CNTNAP2: variants seen among roughly 807,000 people sequenced by gnomAD.
The protein encoded by CNTNAP2 is contactin associated protein 2.
Under a neutral mutation model 155.2 loss-of-function variants are expected in CNTNAP2, and 98 were observed. The ratio of observed to expected loss-of-function variants is 0.63; its 90% CI spans 0.54 to 0.75. The LOEUF is 0.75. CNTNAP2 is among the 30% of genes least tolerant of loss of function. The pLI is 0.00. For synonymous variants in CNTNAP2, 651 were observed against 631.2 expected, an observed-to-expected ratio of 1.03 and a Z score of -0.47; for missense variants, 1,727 against 1,688.1, an observed-to-expected ratio of 1.02 and a Z score of -0.40.
intron 8 of CNTNAP2, among the ~76,000 whole-genome samples, chr7:147,204,532 A>C (rs1360848358): frequency 6.6e-6 from 1 of 152,140 alleles, no homozygotes; most frequent in Non-Finnish European, 1.5e-5. Context: ...TGAAATCCAT[A>C]GTAAACTCCA....
At chr7:147,997,179 T>TA (rs773339636) in intron 15 of CNTNAP2, among the ~76,000 whole-genome samples, 8 of 152,220 alleles carry the variant, frequency 5.3e-5, no homozygotes, top group Non-Finnish European at 8.8e-5. Flanking sequence ...GATATTTTGT[T>TA]ATAGGTAGCC....
At chr7:146,875,840 G>A (rs1397587131) in intron 3 of CNTNAP2, among the ~76,000 whole-genome samples, 2 of 137,234 alleles carry the variant, frequency 1.5e-5, no homozygotes, top group African/African-American at 2.6e-5. Flanking sequence ...GAGGCCAGTA[G>A]TTCAAGACCA....
intron 13 of CNTNAP2, among the ~76,000 whole-genome samples, chr7:147,667,346 G>A (rs777285947): frequency 2.0e-5 from 3 of 152,156 alleles, no homozygotes; most frequent in East Asian, 1.9e-4. Context: ...TATCCCTAAG[G>A]GGGCCAAGTC....
chr7:148,184,453 T>C (rs1795087086), intron 18 of CNTNAP2, among the ~76,000 whole-genome samples: 1 of 152,238 alleles, frequency 6.6e-6, no homozygotes, highest in African/African-American at 2.4e-5. Flanking sequence ...AAATGACTTA[T>C]GATTTACCTG....
intron 11 of CNTNAP2, among the ~76,000 whole-genome samples, chr7:147,492,234 A>C (rs1025791341): frequency 4.6e-5 from 7 of 152,160 alleles, no homozygotes; most frequent in Non-Finnish European, 1.0e-4. Context: ...CCTCACATGC[A>C]CAGTTCACAA....
chr7:147,127,393 C>A (rs537794312), intron 6 of CNTNAP2, among the ~76,000 whole-genome samples: 2 of 150,140 alleles, frequency 1.3e-5, no homozygotes, highest in African/African-American at 2.4e-5. Flanking sequence ...TTTTTTTTTA[C>A]CATCACCTCA....
intron 15 of CNTNAP2, among the ~76,000 whole-genome samples, chr7:147,983,240 CTTA>C (rs1334372373): frequency 6.6e-6 from 1 of 152,008 alleles, no homozygotes; most frequent in Non-Finnish European, 1.5e-5. Context: ...AGCAATTCTC[CTTA>C]TTGAGAGGAA....
At chr7:146,183,257 T>C (rs778320090) in intron 1 of CNTNAP2, among the ~76,000 whole-genome samples, 2 of 152,122 alleles carry the variant, frequency 1.3e-5, no homozygotes, top group East Asian at 1.9e-4. Context: ...ACCAGAACAA[T>C]TGGTGTCTGG....
At chr7:146,829,847 T>C (rs1355618589) in intron 2 of CNTNAP2, among the ~76,000 whole-genome samples, 1 of 152,106 alleles carries the variant, frequency 6.6e-6, no homozygotes, top group Non-Finnish European at 1.5e-5. Flanking sequence ...CACCCTTAGT[T>C]TTAAAATTAT....
intron 12 of CNTNAP2, among the ~76,000 whole-genome samples, chr7:147,598,042 T>C (rs533136695): frequency 1.4e-3 from 210 of 152,288 alleles, no homozygotes; most frequent in Non-Finnish European, 2.2e-3. Context: ...CTAAGATCAT[T>C]AATGGTTTCA....
intron 3 of CNTNAP2, among the ~76,000 whole-genome samples, chr7:146,919,537 C>T: frequency 6.6e-6 from 1 of 152,148 alleles, no homozygotes; most frequent in South Asian, 2.1e-4. Context: ...GTGATGTGAT[C>T]CATCTTCGGG....
intron 21 of CNTNAP2, among the ~76,000 whole-genome samples, chr7:148,368,853 A>G (rs34452679): frequency 0.055 from 8,433 of 152,234 alleles, 316 homozygotes; most frequent in Non-Finnish European, 0.083. Flanking sequence ...GTGTCTTTCT[A>G]TACAATGTCT....
chr7:146,817,623 A>C (rs1803199233), intron 2 of CNTNAP2, among the ~76,000 whole-genome samples: 1 of 152,270 alleles, frequency 6.6e-6, no homozygotes, highest in African/African-American at 2.4e-5. Flanking sequence ...GAAGAAGACA[A>C]AGAGGGAGCT....
At chr7:147,906,402 CT>C (rs1799958553) in intron 14 of CNTNAP2, among the ~76,000 whole-genome samples, 1 of 151,202 alleles carries the variant, frequency 6.6e-6, no homozygotes, top group Non-Finnish European at 1.5e-5. Context: ...AACTCCTGAC[CT>C]CAAGTGATCC....
intron 1 of CNTNAP2, among the ~76,000 whole-genome samples, chr7:146,118,776 A>G (rs532621143): frequency 6.6e-6 from 1 of 152,306 alleles, no homozygotes; most frequent in South Asian, 2.1e-4. Flanking sequence ...GACAGAGAAC[A>G]TAGAAACAAT....
At chr7:146,896,899 T>G (rs1231223589) in intron 3 of CNTNAP2, among the ~76,000 whole-genome samples, 1 of 152,060 alleles carries the variant, frequency 6.6e-6, no homozygotes, top group Non-Finnish European at 1.5e-5. Flanking sequence ...ATGAGGGAAA[T>G]TTTAAGATAA....
chr7:148,342,652 G>T (rs1036947944), intron 21 of CNTNAP2, among the ~76,000 whole-genome samples: 1 of 152,112 alleles, frequency 6.6e-6, no homozygotes, highest in African/African-American at 2.4e-5. Context: ...CTTTGAAATT[G>T]ATCATCATTT....
chr7:146,395,168 C>T (rs907558975), intron 1 of CNTNAP2, among the ~76,000 whole-genome samples: 2 of 152,088 alleles, frequency 1.3e-5, no homozygotes, highest in Non-Finnish European at 2.9e-5. Context: ...AGGTGGATTC[C>T]ATATCTTTGC....
chr7:147,937,228 G>A (rs1052819994), intron 14 of CNTNAP2, among the ~76,000 whole-genome samples: 1 of 152,168 alleles, frequency 6.6e-6, no homozygotes, highest in African/African-American at 2.4e-5. Context: ...CTTGTGATCA[G>A]CTACTTTTAG....
Sources: gnomAD v4.1 joint callset for allele counts (sites outside exome capture counted in the v4.1 genomes callset) on GRCh38, gnomAD v4.1.1 for gene constraint, MANE v1.5 for transcripts, NCBI Gene and HGNC (gene_info 2026-07-23, HGNC 2026-07-21) for gene names.